Variants in COIL observed in about 807,000 individuals in gnomAD.
The protein encoded by COIL is coilin.
Under a neutral mutation model 51.6 loss-of-function variants are expected in COIL, and 28 were observed. That is an observed-to-expected ratio of 0.54 (90% CI 0.40 to 0.74). The LOEUF (loss-of-function observed/expected upper bound fraction) is 0.74. Among genes scored for constraint, COIL ranks in the 30% least tolerant of loss-of-function variants. The pLI, the probability that COIL is intolerant of heterozygous loss-of-function variation, is 0.00. For synonymous variants in COIL, 233 were observed against 255.8 expected (o/e 0.91, Z 0.85); for missense variants, 667 against 685.9 (o/e 0.97, Z 0.31).
chr17:56,942,111 G>T lies in COIL; in HGVS notation c.1571C>A (p.Pro524His). ...GTGATAAACTAAATCAAATTTCCCAGGTTCTCTCAAGGCTGAAACAAGAAG... is the reference window on the plus strand; with the variant it reads ...GTGATAAACTAAATCAAATTTCCCATGTTCTCTCAAGGCTGAAACAAGAAG... ...ILSSLPALRE[P>H]GKFDLVYHNE... The change falls in exon 6 of 7, where the codon CCT becomes CAT. Residue 524 changes from proline to histidine, a missense_variant. Transcript: ENST00000240316. 1 of 1,613,842 alleles carries T rather than the reference G, an allele frequency of 6.2e-7. No individual in the cohort carries two copies. Among genetic ancestry groups the T allele is most frequent in the Non-Finnish European group, 8.5e-7 (1 of 1,179,774 alleles).
intron 5 of COIL, among the ~76,000 whole-genome samples, chr17:56,945,179 A>T (rs1334033828): frequency 6.6e-6 from 1 of 152,034 alleles, no homozygotes; most frequent in East Asian, 1.9e-4. Context: ...CTCTACTAAA[A>T]ATACAAAAAT....
In COIL at chr17:56,950,673, T is replaced by A. The variant is rs1283628593; in HGVS notation, c.569A>T (p.Lys190Ile). The A allele has an allele frequency of 1.9e-6, 3 of 1,610,248 alleles. No individual in the cohort carries two copies. Among genetic ancestry groups the A allele is most frequent in the Middle Eastern group, 1.7e-4 (1 of 6,058 alleles). ...AKRKSPKKKE[K>I]CEYKKKAKNP... ...CTTAGCCTTTTTTTTATATTCACAT[T>A]TCTCCTTTTTCTTTGGTGATTTTCT... is the stretch of plus-strand genomic sequence containing the variant. The change falls in exon 2 of 7, where the codon AAA (lysine) becomes ATA (isoleucine). Residue 190 changes from lysine to isoleucine, a missense_variant. Lys to Ile is a moderately radical substitution (Grantham distance 102, BLOSUM62 -3). Transcript: ENST00000240316.
Position 56,942,136 on chromosome 17 carries a change from G to A in COIL, c.1559-13C>T, listed in dbSNP as rs766150902. On this transcript the variant is annotated splice_polypyrimidine_tract_variant and intron_variant, in intron 5 of 6. Coordinates refer to ENST00000240316, the MANE Select transcript of COIL (RefSeq NM_004645.3). ...GGTTCTCTCAAGGCTGAAACAAGAA[G>A]ATAGGGAGGAAAGAGAGTAAGTCAT... is the stretch of plus-strand genomic sequence containing the variant. The A allele has an allele frequency of 6.3e-7, 1 of 1,595,414 alleles. No homozygotes were observed. The highest frequency in any genetic ancestry group is 8.6e-7 in the Non-Finnish European group (1 of 1,162,862).
chr17:56,953,471 C>T (rs1186942900), intron 1 of COIL, among the ~76,000 whole-genome samples: 2 of 150,768 alleles, frequency 1.3e-5, no homozygotes, highest in East Asian at 2.0e-4. Flanking sequence ...ATGCCTGTGG[C>T]CCAGCTACCT....
Position 56,950,682 on chromosome 17 carries a change from T to G in COIL, c.560A>C (p.Lys187Thr). Residue 187 changes from lysine (K) to threonine (T), a missense_variant, in exon 2 of 7, where the codon AAA becomes ACA. Coordinates refer to ENST00000240316, the MANE Select transcript of COIL (RefSeq NM_004645.3). ...TTTTTTATATTCACATTTCTCCTTT[T>G]TCTTTGGTGATTTTCTTTTGGCCTC... ...NEEAKRKSPK[K>T]KEKCEYKKKA... 1 of 1,610,118 alleles carries G rather than the reference T, an allele frequency of 6.2e-7. No homozygotes were observed. The highest frequency in any genetic ancestry group is 1.1e-5 in the South Asian group (1 of 89,850).
At chr17:56,940,087 G>A (rs1430492640) in intron 6 of COIL, 1 of 151,990 alleles carries the variant, frequency 6.6e-6, no homozygotes, top group Admixed American at 6.6e-5. Flanking sequence ...GCCATCTAGT[G>A]TCAAAAAAGG....
Position 56,938,255 on chromosome 17 carries a change from T to G in COIL, c.*816A>C, listed in dbSNP as rs976606850. 1 of 152,246 alleles carries G rather than the reference T, an allele frequency of 6.6e-6. No homozygotes were observed. Among genetic ancestry groups the G allele is most frequent in the Admixed American group, 6.5e-5 (1 of 15,286 alleles). The allele number at this position is 152,246 out of a possible 1,614,324, so 9.4% of individuals were successfully genotyped here. ...GTACAGCTGAAGGAGGGATCTGATC[T>G]TTTGTTAAATGAAACCAATTTTCAC... is the stretch of plus-strand genomic sequence containing the variant. On this transcript the variant is annotated 3_prime_UTR_variant, in exon 7 of 7. Transcript: ENST00000240316.
chr17:56,939,898 G>A lies in COIL; in HGVS notation c.1648-744C>T, dbSNP rs72842330. 5.4e-3 allele frequency: 826 copies of A among 152,204 alleles called. 4 individuals carry two copies. Among genetic ancestry groups the A allele is most frequent in the Middle Eastern group, 0.017 (5 of 294 alleles). The allele number at this position is 152,204 out of a possible 1,614,324, so 9.4% of individuals were successfully genotyped here. On this transcript the variant is annotated intron_variant, in intron 6 of 6. Transcript: ENST00000240316. ...ACCCCTGCATTTGATTTGCCCTGTGGACAGGTGGCCTGGAGACCTTCTGGC... is the reference window on the plus strand; with the variant it reads ...ACCCCTGCATTTGATTTGCCCTGTGAACAGGTGGCCTGGAGACCTTCTGGC...
chr17:56,949,713 C>A lies in COIL; in HGVS notation c.1408G>T (p.Ala470Ser). The A allele has an allele frequency of 6.2e-7, 1 of 1,614,174 alleles. No individual in the cohort carries two copies. The highest frequency in any genetic ancestry group is 1.3e-5 in the African/African-American group (1 of 75,064). The change falls in exon 3 of 7, where the codon GCC becomes TCC. Residue 470 changes from alanine to serine, a missense_variant. Transcript: ENST00000240316. ...DYSLLPLLAA[A>S]PQVGEKIAFK... ...GCAATCTTTTCTCCAACTTGAGGGG[C>A]AGCTGCTAACAGTGGTAACAGACTA...
chr17:56,960,760 C>T lies in COIL; in HGVS notation c.245+15G>A, dbSNP rs539058532. On this transcript the variant is annotated intron_variant, in intron 1 of 6. Transcript: ENST00000240316. ...CCGCCGCCCACCCGGCCGTCCCGCT[C>T]CCTGCGCCGCGCACCTGAGGCAGTC... The T allele has an allele frequency of 5.8e-6, 9 of 1,539,934 alleles. No homozygotes were observed. The South Asian group carries it at 9.5e-5, about 16-fold the overall frequency.
At chr17:56,941,255 C>CTAT (rs1305239102) in intron 6 of COIL, 17 of 151,542 alleles carry the variant, frequency 1.1e-4, no homozygotes, top group Admixed American at 1.1e-3. Flanking sequence ...AACTGTTGTG[C>CTAT]TATTATAAGT....
chr17:56,948,722 G>A (rs960496903), intron 4 of COIL, among the ~76,000 whole-genome samples: 5 of 150,404 alleles, frequency 3.3e-5, no homozygotes, highest in African/African-American at 1.2e-4. Flanking sequence ...CCAATATAAA[G>A]ACTCATACAG....
intron 1 of COIL, among the ~76,000 whole-genome samples, chr17:56,959,942 G>A (rs1303432084): frequency 6.6e-6 from 1 of 152,246 alleles, no homozygotes; most frequent in Admixed American, 6.5e-5. Context: ...CCAGCCAGGC[G>A]CGGAGGCTCA....
chr17:56,950,522 T>G lies in COIL; in HGVS notation c.720A>C (p.Ser240=), dbSNP rs1337962803. 6.8e-6 allele frequency: 11 copies of G among 1,614,228 alleles called. No individual in the cohort carries two copies. Among genetic ancestry groups the G allele is most frequent in the Non-Finnish European group, 9.3e-6 (11 of 1,180,042 alleles). ...CCGAGGAGGAACTGGGACTCTCTTT[T>G]GAGCAAACGCTTACACTACCTTTCC... ...AKRKGSVSVC[S]KESPSSSSES... Residue 240 remains serine (S), a synonymous_variant, in exon 2 of 7, where the codon TCA becomes TCC. Transcript: ENST00000240316.
intron 6 of COIL, 100 bp downstream of exon 6, chr17:56,941,935 T>A: frequency 1.1e-6 from 1 of 951,450 alleles, no homozygotes; most frequent in South Asian, 1.3e-5. Context: ...AAGGTCAGAT[T>A]CCCCCCAGGG....
rs1262383135 is a variant in COIL at position 56,949,943 on chromosome 17, G to C, written c.1299C>G (p.Asn433Lys). 5 of 1,614,054 alleles carry C rather than the reference G, an allele frequency of 3.1e-6. No individual in the cohort carries two copies. The highest frequency in any genetic ancestry group is 4.2e-6 in the Non-Finnish European group (5 of 1,179,970). The change falls in exon 2 of 7, where the codon AAC (asparagine) becomes AAG (lysine). Residue 433 changes from asparagine to lysine, a missense_variant. By Grantham distance (94) the Asn-to-Lys change is moderately conservative. Coordinates refer to ENST00000240316, the MANE Select transcript of COIL (RefSeq NM_004645.3). ...CGTCATTTAATTGCTGTTGCCTCTGGTTGTCAGTGCTTCTATTTACAACAC... is the reference window on the plus strand; with the variant it reads ...CGTCATTTAATTGCTGTTGCCTCTGCTTGTCAGTGCTTCTATTTACAACAC... Reference protein sequence around the residue: ...VSCVVNRSTDNQRQQQLNDVV... With the variant: ...VSCVVNRSTDKQRQQQLNDVV...
rs966450667 is a variant in COIL at position 56,939,007 on chromosome 17, A to G, written c.*64T>C. ...CAAATCCTCTTTAAAAAAAAAAAAA[A>G]GTTTGGGTTATAGTCACTTTCACAA... On this transcript the variant is annotated 3_prime_UTR_variant, in exon 7 of 7. Transcript: ENST00000240316. The G allele has an allele frequency of 5.6e-6, 5 of 896,896 alleles. No homozygotes were observed. The highest frequency in any genetic ancestry group is 8.7e-6 in the Non-Finnish European group (5 of 571,822). The allele number at this position is 896,896 out of a possible 1,614,324, so 55.6% of individuals were successfully genotyped here.
intron 6 of COIL, among the ~76,000 whole-genome samples, chr17:56,939,729 A>G (rs1910110509): frequency 6.6e-6 from 1 of 152,124 alleles, no homozygotes; most frequent in South Asian, 2.1e-4. Flanking sequence ...GACAGAGTGA[A>G]ACTCTGTGCT....
intron 5 of COIL, among the ~76,000 whole-genome samples, chr17:56,946,159 A>G (rs1910245416): frequency 6.6e-6 from 1 of 152,254 alleles, no homozygotes; most frequent in East Asian, 1.9e-4. Flanking sequence ...CTGAGTCAGC[A>G]TTCAACTTAG....
Sources: gnomAD v4.1 joint callset for allele counts (sites outside exome capture counted in the v4.1 genomes callset) on GRCh38, gnomAD v4.1.1 for gene constraint, MANE v1.5 for transcripts, NCBI Gene and HGNC (gene_info 2026-07-23, HGNC 2026-07-21) for gene names.